Variants in MBD1 observed in about 807,000 individuals in gnomAD.
MBD1 encodes the protein methyl-CpG binding domain protein 1, also known as methyl-CpG-binding domain protein 1.
MBD1 carries 25 observed loss-of-function variants against 82.6 expected under a neutral mutation model. The observed-to-expected ratio is 0.30, with a 90% CI of 0.22 to 0.42. The LOEUF (loss-of-function observed/expected upper bound fraction) is 0.42, where lower values mean the gene tolerates loss of function less well. MBD1 is among the 10% of genes least tolerant of loss of function. The pLI is 1.00. For synonymous variants in MBD1, 301 were observed against 303.7 expected (o/e 0.99, Z 0.09); for missense variants, 627 against 819.6 (o/e 0.76, Z 2.87).
At chr18:50,271,384 C>A in intron 16 of MBD1, 85 bp downstream of exon 16, 1 of 1,609,070 alleles carries the variant, frequency 6.2e-7, no homozygotes, top group South Asian at 1.1e-5. Flanking sequence ...AGGGTTGATT[C>A]ACACACAAGC....
Position 50,273,840 on chromosome 18 carries a change from C to A in MBD1, c.1170G>T (p.Trp390Cys). The change falls in exon 12 of 17, where the codon TGG becomes TGT. Residue 390 changes from tryptophan (W) to cysteine (C), a missense_variant. Coordinates refer to ENST00000269468, the MANE Select transcript of MBD1 (RefSeq NM_015846.4). ...FAMKRLLPSV[W>C]SESEDGAGSP... is the part of the protein sequence containing the mutation. ...ATCCTGCCCCATCCTCAGACTCTGA[C>A]CAGACACTGGGCAGCAGCCGCTTCT... 3 of 1,613,320 alleles carry A rather than the reference C, an allele frequency of 1.9e-6. No homozygotes were observed. The South Asian group carries it at 3.3e-5, about 18-fold the overall frequency.
Position 50,276,543 on chromosome 18 carries a change from A to G in MBD1, c.475+119T>C. On this transcript the variant is annotated intron_variant, in intron 5 of 16. Coordinates refer to ENST00000269468, the MANE Select transcript of MBD1 (RefSeq NM_015846.4). ...CTATGCCTGCTATCTCCAATATCCA[A>G]CCTCCAACCATGCCAGTAGCCTCTG... is the stretch of plus-strand genomic sequence containing the variant. 5 of 1,442,752 alleles carry G rather than the reference A, an allele frequency of 3.5e-6. No individual in the cohort carries two copies. In the South Asian group the frequency reaches 5.8e-5, roughly 17 times the overall value. 89.4% of individuals were successfully genotyped at this position (1,442,752 alleles called of 1,614,324 possible). A position where few individuals can be genotyped will look rare whatever the true frequency, so the allele number is the denominator to read the frequency against.
At chr18:50,268,545 G>A (rs1360179136), downstream of MBD1, among the ~76,000 whole-genome samples, 2 of 152,252 alleles carry the variant, frequency 1.3e-5, no homozygotes, top group Non-Finnish European at 2.9e-5. Flanking sequence ...AGGGGTGATG[G>A]GTGACGAGCG....
intron 14 of MBD1, 22 bp from the exon 15 acceptor site, chr18:50,272,760 A>G: frequency 6.2e-7 from 1 of 1,614,132 alleles, no homozygotes; most frequent in South Asian, 1.1e-5. Context: ...TTAACACCAT[A>G]GGTCAATGTG....
intron 9 of MBD1, 23 bp downstream of exon 9, chr18:50,275,106 C>A: frequency 6.2e-7 from 1 of 1,612,974 alleles, no homozygotes; most frequent in Non-Finnish European, 8.5e-7. Flanking sequence ...GTTGTGCCTT[C>A]CCTCCACCCA....
chr18:50,272,767 T>G (rs754221062), intron 14 of MBD1, 29 bp from the exon 15 acceptor site: 2 of 1,614,116 alleles, frequency 1.2e-6, no homozygotes, highest in African/African-American at 2.7e-5. Context: ...CATAGGTCAA[T>G]GTGGTTGTTG....
At chr18:50,281,079 A>C in intron 1 of MBD1, 3 of 1,361,658 alleles carry the variant, frequency 2.2e-6, no homozygotes, top group Non-Finnish European at 3.0e-6. Flanking sequence ...TTCTCTCTCA[A>C]CTTCAGATGC....
intron 16 of MBD1, 136 bp downstream of exon 16, chr18:50,271,333 T>G: frequency 6.4e-7 from 1 of 1,567,106 alleles, no homozygotes; most frequent in South Asian, 1.2e-5. Flanking sequence ...CAAAGTACTC[T>G]TAGGCCTGCT....
At chr18:50,281,146 G>A in intron 1 of MBD1, 1 of 1,532,520 alleles carries the variant, frequency 6.5e-7, no homozygotes, top group Non-Finnish European at 8.7e-7. Flanking sequence ...CCTCGTCCCA[G>A]GATCCCGACA....
At chr18:50,281,012 T>C (rs946844711) in intron 1 of MBD1, among the ~76,000 whole-genome samples, 1 of 152,046 alleles carries the variant, frequency 6.6e-6, no homozygotes, top group Non-Finnish European at 1.5e-5. Flanking sequence ...CCTCTATTTC[T>C]CCTGTCATCA....
chr18:50,275,693 G>C lies in MBD1; in HGVS notation c.699C>G (p.Thr233=). 6.8e-6 allele frequency: 11 copies of C among 1,614,186 alleles called. No individual in the cohort carries two copies. Among genetic ancestry groups the C allele is most frequent in the Non-Finnish European group, 9.3e-6 (11 of 1,180,026 alleles). Residue 233 remains threonine, a synonymous_variant, in exon 8 of 17, where the codon ACC becomes ACG. Transcript: ENST00000269468. ...TGGGGCAATGGCCACAATCCTCTTG[G>C]GTCTGACAGCCCCGGCATACTCCAC... The part of the protein sequence containing the change: ...RGCGVCRGCQ[T]QEDCGHCPIC...
chr18:50,280,088 C>CA lies in MBD1; in HGVS notation c.-25-72dup, dbSNP rs1050630722. 4.1e-5 allele frequency: 60 copies of CA among 1,457,540 alleles called. No individual in the cohort carries two copies. In the Admixed American group the frequency reaches 1.2e-3, roughly 29 times the overall value. The allele number at this position is 1,457,540 out of a possible 1,614,324, so 90.3% of individuals were successfully genotyped here. A position where few individuals can be genotyped will look rare whatever the true frequency, so the allele number is the denominator to read the frequency against. ...GGACAACACTGTGCCCCAGGCCACA[C>CA]AAATCACTGGTATCCATTAGTGCTT... is the stretch of plus-strand genomic sequence containing the variant. On this transcript the variant is annotated intron_variant, in intron 1 of 16. Coordinates refer to ENST00000269468, the MANE Select transcript of MBD1 (RefSeq NM_015846.4).
chr18:50,275,559 T>C, intron 8 of MBD1, 41 bp downstream of exon 8: 1 of 1,613,994 alleles, frequency 6.2e-7, no homozygotes, highest in East Asian at 2.2e-5. Flanking sequence ...AGCGACGATT[T>C]TAACAGCAGA....
At chr18:50,280,301 T>C (rs923202150) in intron 1 of MBD1, among the ~76,000 whole-genome samples, 1 of 151,994 alleles carries the variant, frequency 6.6e-6, no homozygotes, top group Non-Finnish European at 1.5e-5. Flanking sequence ...CAACCCATCA[T>C]TTCTCCTCAC....
rs1318126903 is a variant in MBD1 at position 50,272,713 on chromosome 18, C to T, written c.1742G>A (p.Gly581Glu). 6 of 1,614,222 alleles carry T rather than the reference C, an allele frequency of 3.7e-6. No homozygotes were observed. Among genetic ancestry groups the T allele is most frequent in the South Asian group, 1.1e-5 (1 of 91,072 alleles). Residue 581 changes from glycine to glutamate, a missense_variant, in exon 15 of 17, where the codon GGA becomes GAA. Coordinates refer to ENST00000269468, the MANE Select transcript of MBD1 (RefSeq NM_015846.4). ...GACTGCTGTATCTCGGAAGCGGGTTCCACCCAGGCTGAAAATCTCCGTGAT... is the reference window on the plus strand; with the variant it reads ...GACTGCTGTATCTCGGAAGCGGGTTTCACCCAGGCTGAAAATCTCCGTGAT... ...PVITEIFSLG[G>E]TRFRDTAVWL...
intron 15 of MBD1, 154 bp downstream of exon 15, chr18:50,272,523 C>T (rs1354580417): frequency 8.4e-6 from 7 of 833,652 alleles, no homozygotes; most frequent in African/African-American, 3.3e-5. Context: ...TAGGGTCCTA[C>T]ACACACGCCC....
At chr18:50,270,841 C>G (rs2035212655) in intron 16 of MBD1, 3 of 177,982 alleles carry the variant, frequency 1.7e-5, no homozygotes, top group Admixed American at 5.4e-5. Context: ...TACAGGATTA[C>G]AGGTTACAGT....
In MBD1 at chr18:50,272,690, C is replaced by T; in HGVS notation, c.1765G>A (p.Val589Ile). ...TGTGGGGCACACCTTGGCAACCAGA[C>T]TGCTGTATCTCGGAAGCGGGTTCCA... ...LGGTRFRDTAVWLPRSKDLKK... is the reference protein window; with the variant it reads ...LGGTRFRDTAIWLPRSKDLKK... Residue 589 changes from valine (V) to isoleucine (I), a missense_variant, in exon 15 of 17, where the codon GTC (valine) becomes ATC (isoleucine). This residue lies in a region of MBD1 where 265 missense variants were observed against 278.4 expected (regional missense o/e 0.95). Coordinates refer to ENST00000269468, the MANE Select transcript of MBD1 (RefSeq NM_015846.4). 2 of 1,614,180 alleles carry T rather than the reference C, an allele frequency of 1.2e-6. No individual in the cohort carries two copies. The highest frequency in any genetic ancestry group is 1.3e-5 in the African/African-American group (1 of 75,048).
intron 2 of MBD1, 166 bp downstream of exon 2, chr18:50,279,717 C>A: frequency 1.1e-6 from 1 of 919,474 alleles, no homozygotes. Context: ...TTTTAAGTTA[C>A]AAATAAATTT....
Sources: gnomAD v4.1 joint callset for allele counts (sites outside exome capture counted in the v4.1 genomes callset) on GRCh38, gnomAD v4.1.1 for gene constraint, gnomAD v4.1.1 regional missense constraint, MANE v1.5 for transcripts, NCBI Gene and HGNC (gene_info 2026-07-23, HGNC 2026-07-21) for gene names.